Variants in PPFIA2 observed in about 807,000 individuals in gnomAD.
The protein encoded by PPFIA2 is liprin-alpha-2.
In PPFIA2, 46 loss-of-function variants were observed where a neutral mutation model predicts 175.5. The ratio of observed to expected loss-of-function variants is 0.26; its 90% CI spans 0.21 to 0.34. The LOEUF is 0.34. Among genes scored for constraint, PPFIA2 ranks in the 10% least tolerant of loss-of-function variants. The pLI, the probability that PPFIA2 is intolerant of heterozygous loss-of-function variation, is 1.00. For missense variants in PPFIA2, 1,179 were observed against 1,506.1 expected (o/e 0.78, Z 3.60); for synonymous variants, 568 against 511.4 (o/e 1.11, Z -1.49).
At chr12:81,663,252 C>A (rs575120771) in intron 4 of PPFIA2, among the ~76,000 whole-genome samples, 15 of 152,182 alleles carry the variant, frequency 9.9e-5, no homozygotes, top group African/African-American at 3.6e-4. Flanking sequence ...TCAAATTGTC[C>A]CTGTTTGCAG....
At position 81,534,571 on chromosome 12, in the gene PPFIA2, G is replaced by A. The variant is rs558850738; in HGVS notation, c.304-76705C>T. ...TTCATTCTTTTAAAAAAGACTATAA[G>A]GGACCCTAAGCACTAATAATTTACT... On this transcript the variant is annotated intron_variant, in intron 4 of 32. Coordinates refer to ENST00000549396, the MANE Select transcript of PPFIA2 (RefSeq NM_003625.5). 9.8e-4 allele frequency among the ~76,000 whole-genome samples: 148 copies of A among 151,646 alleles called. 1 individual carries two copies. The highest frequency in any genetic ancestry group is 3.1e-3 in the African/African-American group (130 of 41,436).
intron 3 of PPFIA2, among the ~76,000 whole-genome samples, chr12:81,687,025 C>A (rs952227468): frequency 5.9e-5 from 9 of 152,004 alleles, no homozygotes; most frequent in Non-Finnish European, 1.2e-4. Flanking sequence ...ATAAGACATG[C>A]AATTTCTTGG....
chr12:81,510,790 T>G (rs1359033592), intron 4 of PPFIA2, among the ~76,000 whole-genome samples: 2 of 152,020 alleles, frequency 1.3e-5, no homozygotes, highest in African/African-American at 2.4e-5. Flanking sequence ...AAAAAAATCT[T>G]CAAAGAAATT....
At chr12:81,584,063 TTAAAA>T (rs1305444075) in intron 4 of PPFIA2, among the ~76,000 whole-genome samples, 3 of 151,930 alleles carry the variant, frequency 2.0e-5, no homozygotes, top group Non-Finnish European at 4.4e-5. Context: ...CAATCGTCTA[TTAAAA>T]TATTTGTTTT....
intron 4 of PPFIA2, among the ~76,000 whole-genome samples, chr12:81,653,782 T>G (rs1253740707): frequency 6.6e-6 from 1 of 152,084 alleles, no homozygotes; most frequent in African/African-American, 2.4e-5. Flanking sequence ...ATGGTCCATC[T>G]TCTGAAAATC....
intron 30 of PPFIA2, among the ~76,000 whole-genome samples, chr12:81,265,382 T>C (rs2036951308): frequency 6.6e-6 from 1 of 151,876 alleles, no homozygotes; most frequent in Non-Finnish European, 1.5e-5. Context: ...CAACATATTG[T>C]TACTGCAGAA....
At chr12:81,700,460 A>G (rs2153600279) in intron 3 of PPFIA2, among the ~76,000 whole-genome samples, 1 of 152,230 alleles carries the variant, frequency 6.6e-6, no homozygotes, top group Non-Finnish European at 1.5e-5. Context: ...ACATGCAGAA[A>G]ATTAAATGAT....
chr12:81,642,673 A>ATGTATG (rs1399696736), intron 4 of PPFIA2, among the ~76,000 whole-genome samples: 1 of 28,416 alleles, frequency 3.5e-5, no homozygotes, highest in African/African-American at 2.7e-4. Context: ...ATATACATAC[A>ATGTATG]TGTATGTATC....
At chr12:81,666,313 C>T (rs1596202992) in intron 4 of PPFIA2, among the ~76,000 whole-genome samples, 1 of 152,094 alleles carries the variant, frequency 6.6e-6, no homozygotes, top group Admixed American at 6.6e-5. Flanking sequence ...CATGCACATG[C>T]ATGTTTATTG....
intron 16 of PPFIA2, 76 bp from the exon 17 acceptor site, chr12:81,353,415 C>A (rs1396288482): frequency 3.0e-6 from 3 of 1,001,776 alleles, no homozygotes; most frequent in African/African-American, 1.6e-5. Flanking sequence ...AAGACAGCAA[C>A]AACAACAGGC....
At chr12:81,314,225 C>A (rs2051741186) in intron 22 of PPFIA2, among the ~76,000 whole-genome samples, 3 of 151,896 alleles carry the variant, frequency 2.0e-5, no homozygotes, top group African/African-American at 7.2e-5. Context: ...TTATAAACTT[C>A]ATATAGGAGG....
intron 4 of PPFIA2, among the ~76,000 whole-genome samples, chr12:81,672,068 C>T (rs1394244852): frequency 2.6e-5 from 4 of 151,808 alleles, no homozygotes; most frequent in Non-Finnish European, 5.9e-5. Context: ...CAAAACCTAA[C>T]CAAATGCTAT....
chr12:81,714,374 T>C (rs1405866205), intron 3 of PPFIA2, among the ~76,000 whole-genome samples: 1 of 150,990 alleles, frequency 6.6e-6, no homozygotes, highest in Non-Finnish European at 1.5e-5. Flanking sequence ...TACAAAGGTA[T>C]GAAAGGCAGC....
intron 4 of PPFIA2, among the ~76,000 whole-genome samples, chr12:81,459,500 T>C (rs1446745939): frequency 2.6e-5 from 4 of 152,188 alleles, no homozygotes; most frequent in Non-Finnish European, 5.9e-5. Flanking sequence ...ATTAGAATTT[T>C]AACATTAGAT....
rs544820917 is a variant in PPFIA2 at position 81,742,129 on chromosome 12, T to C, written c.249+11844A>G. Among the ~76,000 whole-genome samples the C allele has an allele frequency of 2.1e-3, 315 of 152,264 alleles. 1 individual carries two copies. The highest frequency in any genetic ancestry group is 7.0e-3 in the African/African-American group (291 of 41,556). ...GAGTGAGCTGGAAAACAGTAAGATA[T>C]GTTATCAGATAGGTAAAGGGGAATT... On this transcript the variant is annotated intron_variant, in intron 3 of 32. Transcript: ENST00000549396.
intron 4 of PPFIA2, among the ~76,000 whole-genome samples, chr12:81,644,123 TA>T (rs1443695379): frequency 6.6e-6 from 1 of 152,026 alleles, no homozygotes; most frequent in East Asian, 1.9e-4. Flanking sequence ...AAAGATTCTA[TA>T]AAAATAATCA....
intron 4 of PPFIA2, among the ~76,000 whole-genome samples, chr12:81,511,924 T>C (rs2061840513): frequency 6.6e-6 from 1 of 151,916 alleles, no homozygotes; most frequent in Non-Finnish European, 1.5e-5. Context: ...TGTTTCTGTT[T>C]GTTAATTTGA....
intron 3 of PPFIA2, among the ~76,000 whole-genome samples, chr12:81,742,966 A>G (rs996274796): frequency 2.6e-5 from 4 of 152,184 alleles, no homozygotes. Flanking sequence ...TGTGGGAGAT[A>G]TTGCTAATCT....
chr12:81,427,967 C>A (rs1316812268), intron 7 of PPFIA2, among the ~76,000 whole-genome samples: 3 of 151,898 alleles, frequency 2.0e-5, no homozygotes, highest in Non-Finnish European at 2.9e-5. Flanking sequence ...AATCTTCTGA[C>A]TTAAAGTTAA....
Sources: allele counts gnomAD v4.1 joint callset (sites outside exome capture counted in the v4.1 genomes callset), GRCh38; gene constraint gnomAD v4.1.1; transcripts MANE v1.5; gene names NCBI Gene and HGNC (gene_info 2026-07-23, HGNC 2026-07-21).